The following RAP1GDS1 variants were observed in gnomAD, a reference collection of about 807,000 sequenced individuals.
RAP1GDS1 encodes the protein Rap1 GTPase-GDP dissociation stimulator 1, also known as RAP1, GTP-GDP dissociation stimulator 1.
In RAP1GDS1, 35 loss-of-function variants were observed where a neutral mutation model predicts 71.1. The observed-to-expected ratio is 0.49, with a 90% CI of 0.38 to 0.65. RAP1GDS1 has a LOEUF of 0.65. Among genes scored for constraint, RAP1GDS1 ranks in the 30% least tolerant of loss-of-function variants. The probability of loss-of-function intolerance (pLI) is 0.00; values close to 1 mark genes in which losing one functional copy is unlikely to be tolerated. For missense variants in RAP1GDS1, 663 were observed against 706.1 expected, an observed-to-expected ratio of 0.94 and a Z score of 0.69; for synonymous variants, 229 against 243.1, an observed-to-expected ratio of 0.94 and a Z score of 0.54.
At chr4:98,441,167 C>G (rs1006868783) in intron 14 of RAP1GDS1, among the ~76,000 whole-genome samples, 1 of 152,144 alleles carries the variant, frequency 6.6e-6, no homozygotes, top group Non-Finnish European at 1.5e-5. Flanking sequence ...TCTATTACTA[C>G]TAAAAACACT....
intron 3 of RAP1GDS1, among the ~76,000 whole-genome samples, chr4:98,346,236 A>T (rs1214309830): frequency 6.6e-6 from 1 of 152,168 alleles, no homozygotes; most frequent in African/African-American, 2.4e-5. Flanking sequence ...CATATTGCAA[A>T]GTGTTTATCA....
intron 1 of RAP1GDS1, among the ~76,000 whole-genome samples, chr4:98,292,343 G>A (rs1727087331): frequency 1.3e-5 from 2 of 151,404 alleles, no homozygotes; most frequent in Admixed American, 6.6e-5. Flanking sequence ...TTTGTTGCCC[G>A]GGCCGGTATC....
intron 14 of RAP1GDS1, among the ~76,000 whole-genome samples, chr4:98,438,659 T>C: frequency 6.7e-6 from 1 of 148,384 alleles, no homozygotes; most frequent in East Asian, 2.0e-4. Context: ...GTGGCGTGAT[T>C]TTGGCACACT....
intron 4 of RAP1GDS1, among the ~76,000 whole-genome samples, chr4:98,375,204 G>T (rs889288980): frequency 6.6e-6 from 1 of 152,052 alleles, no homozygotes. Flanking sequence ...GTGGTCCCAG[G>T]TGTTCTTTGG....
At chr4:98,375,218 A>G (rs943531188) in intron 4 of RAP1GDS1, among the ~76,000 whole-genome samples, 4 of 152,128 alleles carry the variant, frequency 2.6e-5, no homozygotes, top group Admixed American at 6.6e-5. Flanking sequence ...TCTTTGGCTT[A>G]TGGTAGCATA....
intron 1 of RAP1GDS1, among the ~76,000 whole-genome samples, chr4:98,271,773 T>C (rs902662055): frequency 1.3e-5 from 2 of 152,312 alleles, no homozygotes; most frequent in Non-Finnish European, 1.5e-5. Context: ...TGCTACACTT[T>C]ACATATTTTT....
At chr4:98,353,507 A>G (rs568957432) in intron 4 of RAP1GDS1, among the ~76,000 whole-genome samples, 1 of 152,334 alleles carries the variant, frequency 6.6e-6, no homozygotes, top group South Asian at 2.1e-4. Flanking sequence ...GAAAGGACAT[A>G]AATATATTCA....
At chr4:98,404,895 C>T (rs4699626) in intron 7 of RAP1GDS1, among the ~76,000 whole-genome samples, 21,294 of 152,104 alleles carry the variant, frequency 0.14, 2,159 homozygotes, top group African/African-American at 0.28. Context: ...TCTACTTCTA[C>T]ACACTTGTAA....
chr4:98,320,441 G>A (rs531331581), intron 2 of RAP1GDS1, among the ~76,000 whole-genome samples: 8 of 152,324 alleles, frequency 5.3e-5, no homozygotes, highest in Admixed American at 5.2e-4. Context: ...GGGGGGAGGA[G>A]CCAAGATGGC....
At chr4:98,349,504 G>A (rs370601227) in intron 3 of RAP1GDS1, among the ~76,000 whole-genome samples, 7 of 152,116 alleles carry the variant, frequency 4.6e-5, no homozygotes, top group Non-Finnish European at 1.0e-4. Flanking sequence ...TTCTGTGAAG[G>A]AAGTCATTGG....
At chr4:98,441,863 T>C in intron 14 of RAP1GDS1, 127 bp from the exon 15 acceptor site, 1 of 1,055,482 alleles carries the variant, frequency 9.5e-7, no homozygotes, top group Middle Eastern at 3.2e-4. Flanking sequence ...GCTACTGCTA[T>C]GTCTTTTTCC....
chr4:98,296,944 G>T, intron 2 of RAP1GDS1: 1 of 343,796 alleles, frequency 2.9e-6, no homozygotes, highest in South Asian at 2.0e-5. Context: ...TGTTGCCGGG[G>T]GGACCATAAA....
chr4:98,369,865 A>G (rs900739643), intron 4 of RAP1GDS1, among the ~76,000 whole-genome samples: 1 of 152,222 alleles, frequency 6.6e-6, no homozygotes, highest in Non-Finnish European at 1.5e-5. Context: ...TAATAGAGCT[A>G]ATAAGGAAGG....
chr4:98,345,317 T>C (rs960791342), intron 3 of RAP1GDS1, among the ~76,000 whole-genome samples: 3 of 152,220 alleles, frequency 2.0e-5, no homozygotes, highest in Admixed American at 6.5e-5. Flanking sequence ...GGAGAAATAT[T>C]AGCATATACT....
chr4:98,262,225 G>A (rs1257756871), intron 1 of RAP1GDS1, among the ~76,000 whole-genome samples: 1 of 152,208 alleles, frequency 6.6e-6, no homozygotes, highest in Non-Finnish European at 1.5e-5. Context: ...ACTACAGTGT[G>A]CAATATTCCC....
intron 6 of RAP1GDS1, among the ~76,000 whole-genome samples, chr4:98,392,876 T>A (rs1428776676): frequency 2.0e-5 from 3 of 152,084 alleles, no homozygotes; most frequent in Non-Finnish European, 4.4e-5. Context: ...ATCTGTGGAA[T>A]CCTTGAAATT....
intron 4 of RAP1GDS1, among the ~76,000 whole-genome samples, chr4:98,369,961 C>T (rs891804725): frequency 2.0e-5 from 3 of 152,196 alleles, no homozygotes; most frequent in Admixed American, 1.3e-4. Flanking sequence ...GCTTGAAAGA[C>T]GTTCTGGAAA....
chr4:98,344,767 C>A (rs1735986389), intron 3 of RAP1GDS1, among the ~76,000 whole-genome samples: 1 of 152,168 alleles, frequency 6.6e-6, no homozygotes, highest in Non-Finnish European at 1.5e-5. Context: ...TCCATGACCA[C>A]ATTACTTTTT....
rs76334207 is a variant in RAP1GDS1, at chr4:98,399,790, G to T, written c.638-4687G>T. On this transcript the variant is annotated intron_variant, in intron 6 of 14. Coordinates refer to ENST00000408927, the MANE Select transcript of RAP1GDS1 (RefSeq NM_001100427.2). Reference sequence around the variant, plus strand: ...AAAAGACAAAAGTTAACAAATCCTGGTGAGGATGTGGAGAAAAAAGAACTC... The same window carrying T: ...AAAAGACAAAAGTTAACAAATCCTGTTGAGGATGTGGAGAAAAAAGAACTC... Among the ~76,000 whole-genome samples, 344 of 152,180 alleles carry T rather than the reference G, an allele frequency of 2.3e-3. 6 individuals are homozygous for T. The East Asian group carries it at 0.035, about 15-fold the overall frequency.
Sources: gnomAD v4.1 joint callset for allele counts (sites outside exome capture counted in the v4.1 genomes callset) on GRCh38, gnomAD v4.1.1 for gene constraint, MANE v1.5 for transcripts, NCBI Gene and HGNC (gene_info 2026-07-23, HGNC 2026-07-21) for gene names.